The following NRG3 variants were observed in gnomAD, a reference collection of about 807,000 sequenced individuals.
The protein encoded by NRG3 is pro-neuregulin-3, membrane-bound isoform.
A neutral mutation model predicts 66.9 loss-of-function variants in NRG3; 31 were observed. The observed-to-expected ratio is 0.46, with a 90% confidence interval of 0.35 to 0.63. NRG3 has a LOEUF of 0.63. Among genes scored for constraint, NRG3 ranks in the 20% least tolerant of loss-of-function variants. The pLI, the probability that NRG3 is intolerant of heterozygous loss-of-function variation, is 0.00. For synonymous variants in NRG3, 393 were observed against 359.4 expected (o/e 1.09, Z -1.06); for missense variants, 910 against 878.9 (o/e 1.04, Z -0.45).
intron 3 of NRG3, among the ~76,000 whole-genome samples, chr10:82,756,493 C>T (rs921480218): frequency 1.8e-4 from 27 of 152,016 alleles, no homozygotes; most frequent in African/African-American, 6.0e-4. Flanking sequence ...GTATGTAGTT[C>T]GTAGTATACA....
intron 2 of NRG3, among the ~76,000 whole-genome samples, chr10:82,682,216 C>G (rs2134128973): frequency 6.6e-6 from 1 of 152,242 alleles, no homozygotes; most frequent in Non-Finnish European, 1.5e-5. Flanking sequence ...TATCAGGTAC[C>G]CTTAGACTGG....
At chr10:82,876,873 A>G (rs894013232) in intron 4 of NRG3, among the ~76,000 whole-genome samples, 1 of 151,930 alleles carries the variant, frequency 6.6e-6, no homozygotes, top group African/African-American at 2.4e-5. Context: ...AAAATACAAA[A>G]TTAGCCAGGT....
rs192209521 is a variant in NRG3 at position 82,060,408 on chromosome 10, C to G, written c.823+184245C>G. On this transcript the variant is annotated intron_variant, in intron 1 of 8. Transcript: ENST00000372141. Reference sequence around the variant, plus strand: ...AAGTGCTGAGGGGTGCTGTCTTCTACCATGAATCCTTCCAGCCTGAACTGC... The same window carrying G: ...AAGTGCTGAGGGGTGCTGTCTTCTAGCATGAATCCTTCCAGCCTGAACTGC... Among the ~76,000 whole-genome samples the G allele has an allele frequency of 9.9e-5, 15 of 152,266 alleles. No individual in the cohort carries two copies. In the East Asian group the frequency reaches 2.3e-3, roughly 24 times the overall value.
At chr10:82,016,789 G>A (rs2061805394) in intron 1 of NRG3, among the ~76,000 whole-genome samples, 1 of 152,146 alleles carries the variant, frequency 6.6e-6, no homozygotes, top group Admixed American at 6.6e-5. Context: ...TTTACTGAAT[G>A]TGGGAATTTA....
intron 1 of NRG3, among the ~76,000 whole-genome samples, chr10:82,285,162 CT>C (rs1274437258): frequency 5.3e-5 from 8 of 152,178 alleles, no homozygotes; most frequent in Admixed American, 1.3e-4. Context: ...TAACTGCCTT[CT>C]GAGATGTTTC....
chr10:82,196,351 T>A (rs2074447863), intron 1 of NRG3, among the ~76,000 whole-genome samples: 1 of 152,220 alleles, frequency 6.6e-6, no homozygotes, highest in Non-Finnish European at 1.5e-5. Context: ...TAATGTGCTA[T>A]GAATGGTTTT....
At chr10:82,247,801 T>A (rs2077310465) in intron 1 of NRG3, among the ~76,000 whole-genome samples, 1 of 152,186 alleles carries the variant, frequency 6.6e-6, no homozygotes, top group South Asian at 2.1e-4. Flanking sequence ...GCATTGAGAC[T>A]GCCCATTCAG....
intron 2 of NRG3, among the ~76,000 whole-genome samples, chr10:82,615,081 A>G (rs533361247): frequency 4.6e-5 from 7 of 152,290 alleles, no homozygotes; most frequent in Middle Eastern, 3.4e-3. Flanking sequence ...TCCAGATGTC[A>G]CTGATTTGAA....
intron 2 of NRG3, among the ~76,000 whole-genome samples, chr10:82,650,719 T>C (rs1459399622): frequency 1.3e-5 from 2 of 152,248 alleles, no homozygotes; most frequent in Non-Finnish European, 2.9e-5. Context: ...TATTTTTTCT[T>C]GGTAATCCAA....
intron 2 of NRG3, among the ~76,000 whole-genome samples, chr10:82,574,482 C>G (rs1303248420): frequency 6.6e-6 from 1 of 151,700 alleles, no homozygotes; most frequent in Non-Finnish European, 1.5e-5. Flanking sequence ...AGTAAAGTGA[C>G]TGCAGTTAAC....
intron 2 of NRG3, among the ~76,000 whole-genome samples, chr10:82,451,916 A>C (rs776843848): frequency 2.0e-5 from 3 of 152,208 alleles, no homozygotes; most frequent in African/African-American, 4.8e-5. Context: ...AAAGAGAAAT[A>C]TAGTTGAAAG....
At chr10:82,120,994 A>G (rs527920636) in intron 1 of NRG3, among the ~76,000 whole-genome samples, 1 of 152,190 alleles carries the variant, frequency 6.6e-6, no homozygotes, top group South Asian at 2.1e-4. Flanking sequence ...TTGAAGCAGT[A>G]CGATCAAAAT....
At chr10:82,091,285 A>G (rs1446847023) in intron 1 of NRG3, among the ~76,000 whole-genome samples, 1 of 152,154 alleles carries the variant, frequency 6.6e-6, no homozygotes, top group Non-Finnish European at 1.5e-5. Context: ...TCCAAAAACA[A>G]CTTTGTAACC....
chr10:82,598,824 C>T (rs931900894), intron 2 of NRG3, among the ~76,000 whole-genome samples: 5 of 151,992 alleles, frequency 3.3e-5, no homozygotes, highest in Admixed American at 2.0e-4. Context: ...CCAAGGCAGG[C>T]GGATCACCTA....
chr10:82,696,881 C>G (rs1260059377), intron 2 of NRG3, among the ~76,000 whole-genome samples: 1 of 152,162 alleles, frequency 6.6e-6, no homozygotes, highest in Non-Finnish European at 1.5e-5. Context: ...TGATATATTG[C>G]AAATTAAATG....
intron 2 of NRG3, among the ~76,000 whole-genome samples, chr10:82,401,392 A>G (rs1170504295): frequency 8.3e-6 from 1 of 120,580 alleles, no homozygotes; most frequent in African/African-American, 4.8e-5. Context: ...CACACATTAT[A>G]TATAGACACA....
At chr10:82,607,693 C>A (rs985129103) in intron 2 of NRG3, among the ~76,000 whole-genome samples, 2 of 151,800 alleles carry the variant, frequency 1.3e-5, no homozygotes, top group African/African-American at 4.8e-5. Flanking sequence ...TAACTGAGCT[C>A]ATAATAGAGT....
At chr10:81,983,347 G>A (rs2060405019) in intron 1 of NRG3, among the ~76,000 whole-genome samples, 1 of 152,166 alleles carries the variant, frequency 6.6e-6, no homozygotes, top group Non-Finnish European at 1.5e-5. Flanking sequence ...TTACGCAATG[G>A]TGTTCACAGC....
intron 8 of NRG3, among the ~76,000 whole-genome samples, chr10:82,979,775 T>C (rs147834271): frequency 1.6e-4 from 24 of 152,194 alleles, no homozygotes; most frequent in African/African-American, 5.3e-4. Flanking sequence ...ATCCATGTAG[T>C]TGGCATAAAC....
Sources: allele counts gnomAD v4.1 joint callset (sites outside exome capture counted in the v4.1 genomes callset), GRCh38; gene constraint gnomAD v4.1.1; transcripts MANE v1.5; gene names NCBI Gene and HGNC (gene_info 2026-07-23, HGNC 2026-07-21).